Variants in HECW2 observed in about 807,000 individuals in gnomAD.
HECW2 encodes the protein E3 ubiquitin-protein ligase HECW2.
In HECW2, 61 loss-of-function variants were observed where a neutral mutation model predicts 175.2. That is an observed-to-expected ratio of 0.35 (90% CI 0.28 to 0.43). HECW2 has a LOEUF of 0.43. HECW2 is among the 20% of genes least tolerant of loss of function. The pLI is 1.00. For missense variants in HECW2, 1,524 were observed against 2,000.5 expected (o/e 0.76, Z 4.54); for synonymous variants, 671 against 731.0 (o/e 0.92, Z 1.32).
Position 196,237,450 on chromosome 2 carries a change from T to A in HECW2, c.3764+2999A>T, listed in dbSNP as rs1406018652. 1.3e-5 allele frequency among the ~76,000 whole-genome samples: 2 copies of A among 152,336 alleles called. 1 individual carries two copies. Among genetic ancestry groups the A allele is most frequent in the Non-Finnish European group, 2.9e-5 (2 of 68,026 alleles). ...AGTGAGAATGTAAGATATTTGGTTTTCCATTCTTGAGTTACTTCACTTAGA... is the reference window on the plus strand; with the variant it reads ...AGTGAGAATGTAAGATATTTGGTTTACCATTCTTGAGTTACTTCACTTAGA... On this transcript the variant is annotated intron_variant, in intron 21 of 28. Transcript: ENST00000644978.
At chr2:196,294,307 G>T (rs1690722380) in intron 13 of HECW2, among the ~76,000 whole-genome samples, 1 of 152,146 alleles carries the variant, frequency 6.6e-6, no homozygotes, top group Non-Finnish European at 1.5e-5. Context: ...TCATCAGAGG[G>T]AATATGATAT....
intron 1 of HECW2, among the ~76,000 whole-genome samples, chr2:196,523,608 T>G (rs755392808): frequency 8.0e-4 from 121 of 151,110 alleles, no homozygotes; most frequent in African/African-American, 2.1e-3. Flanking sequence ...TATTGGCTGT[T>G]GGTTTGTCAT....
intron 16 of HECW2, among the ~76,000 whole-genome samples, chr2:196,272,270 G>A (rs1317587668): frequency 2.0e-5 from 3 of 152,076 alleles, no homozygotes; most frequent in East Asian, 3.9e-4. Context: ...TCATCATCAC[G>A]AACCATGAAC....
At chr2:196,497,166 A>C (rs1687421190) in intron 1 of HECW2, among the ~76,000 whole-genome samples, 2 of 152,190 alleles carry the variant, frequency 1.3e-5, no homozygotes, top group Non-Finnish European at 2.9e-5. Context: ...TTCCCCCAAA[A>C]TATGCATGCT....
At chr2:196,477,270 A>AT (rs896728661) in intron 1 of HECW2, among the ~76,000 whole-genome samples, 4 of 152,148 alleles carry the variant, frequency 2.6e-5, no homozygotes, top group Non-Finnish European at 4.4e-5. Context: ...TGTAATGAAT[A>AT]TTTTTCCAGC....
intron 2 of HECW2, among the ~76,000 whole-genome samples, chr2:196,347,480 G>A (rs950958459): frequency 4.6e-5 from 7 of 152,130 alleles, no homozygotes; most frequent in Non-Finnish European, 8.8e-5. Flanking sequence ...TGAAACTGCT[G>A]GGATTACAGG....
In HECW2 at chr2:196,322,521, G is replaced by A. The variant is rs1414741519; in HGVS notation, c.841C>T (p.Leu281=). The A allele has an allele frequency of 1.2e-6, 2 of 1,614,054 alleles. No individual in the cohort carries two copies. Among genetic ancestry groups the A allele is most frequent in the Admixed American group, 3.3e-5 (2 of 60,024 alleles). ...AGCAGCCTCTGGACTGGAATGGTTA[G>A]TTTCCCCAGAAAACGCTTGATGATG... The part of the protein sequence containing the change: ...RPIIKRFLGK[L]TIPVQRLLER... The change falls in exon 7 of 29, where the codon CTA becomes TTA. Residue 281 remains leucine, a synonymous_variant. Coordinates refer to ENST00000644978, the MANE Select transcript of HECW2 (RefSeq NM_001348768.2).
intron 1 of HECW2, among the ~76,000 whole-genome samples, chr2:196,527,483 C>G (rs1188444828): frequency 6.6e-6 from 1 of 152,214 alleles, no homozygotes; most frequent in Non-Finnish European, 1.5e-5. Context: ...TGTTTCTATT[C>G]GGCCATCTTG....
chr2:196,246,492 C>T (rs1688648580), intron 19 of HECW2, among the ~76,000 whole-genome samples: 1 of 152,150 alleles, frequency 6.6e-6, no homozygotes, highest in Non-Finnish European at 1.5e-5. Context: ...TCATGCCATT[C>T]TCCTGCCTCA....
At chr2:196,548,405 G>GA (rs983027168) in intron 1 of HECW2, among the ~76,000 whole-genome samples, 33 of 146,898 alleles carry the variant, frequency 2.2e-4, no homozygotes, top group South Asian at 4.4e-4. Context: ...CTTACAAAAA[G>GA]AAAAAAAAAC....
At chr2:196,245,523 G>A (rs1047173551) in intron 19 of HECW2, among the ~76,000 whole-genome samples, 16 of 152,196 alleles carry the variant, frequency 1.1e-4, no homozygotes, top group African/African-American at 3.1e-4. Context: ...ATACAGGGCT[G>A]GAATTGGGGT....
At chr2:196,518,940 G>C (rs1267349313) in intron 1 of HECW2, among the ~76,000 whole-genome samples, 1 of 152,130 alleles carries the variant, frequency 6.6e-6, no homozygotes, top group Non-Finnish European at 1.5e-5. Flanking sequence ...TTGAGAACCT[G>C]AACATGTCAT....
intron 1 of HECW2, among the ~76,000 whole-genome samples, chr2:196,485,218 C>T (rs2125377917): frequency 6.6e-6 from 1 of 152,206 alleles, no homozygotes; most frequent in Non-Finnish European, 1.5e-5. Flanking sequence ...CTGTGAAATA[C>T]TGAAGTGGGG....
rs767849641 is a variant in HECW2, at chr2:196,306,518, T to TG, written c.2783dup (p.Glu929ArgfsTer9). The TG allele has an allele frequency of 6.2e-7, 1 of 1,612,226 alleles. No homozygotes were observed. Among genetic ancestry groups the TG allele is most frequent in the Non-Finnish European group, 8.5e-7 (1 of 1,179,154 alleles). ...TAGAATGCAGCACGGTGAAGAACTC[T>TG]GGGCTGATGAGGAACTTCACGGGGG... On this transcript the variant is annotated frameshift_variant, in exon 13 of 29. Transcript: ENST00000644978. LOFTEE classifies it high-confidence loss of function.
At chr2:196,575,531 T>A (rs181084774) in intron 1 of HECW2, among the ~76,000 whole-genome samples, 1 of 152,184 alleles carries the variant, frequency 6.6e-6, no homozygotes, top group Admixed American at 6.5e-5. Context: ...AGTACATGAA[T>A]GAATAAAGAA....
At chr2:196,336,637 A>C (rs2105809622) in intron 3 of HECW2, among the ~76,000 whole-genome samples, 1 of 152,304 alleles carries the variant, frequency 6.6e-6, no homozygotes, top group South Asian at 2.1e-4. Context: ...ACAGACAATG[A>C]GATAAAAAAA....
intron 16 of HECW2, among the ~76,000 whole-genome samples, chr2:196,272,554 A>T (rs1689779051): frequency 6.6e-6 from 1 of 152,256 alleles, no homozygotes; most frequent in Non-Finnish European, 1.5e-5. Flanking sequence ...TCTTTAACAA[A>T]TAATTAAACA....
intron 2 of HECW2, among the ~76,000 whole-genome samples, chr2:196,344,972 T>G (rs1692899665): frequency 6.6e-6 from 1 of 152,314 alleles, no homozygotes; most frequent in South Asian, 2.1e-4. Context: ...TTTTTGTGGT[T>G]GCCCTACTAG....
intron 1 of HECW2, among the ~76,000 whole-genome samples, chr2:196,587,723 G>A (rs112129334): frequency 8.5e-5 from 13 of 152,168 alleles, no homozygotes; most frequent in Admixed American, 3.3e-4. Flanking sequence ...TAAGCTATAC[G>A]CACTCACCAG....
Sources: allele counts gnomAD v4.1 joint callset (sites outside exome capture counted in the v4.1 genomes callset), GRCh38; gene constraint gnomAD v4.1.1; transcripts MANE v1.5; gene names NCBI Gene and HGNC (gene_info 2026-07-23, HGNC 2026-07-21).